HSD17B12: variants seen among roughly 807,000 people sequenced by gnomAD.
HSD17B12 encodes the protein hydroxysteroid 17-beta dehydrogenase 12.
A neutral mutation model predicts 39.3 loss-of-function variants in HSD17B12; 32 were observed. The ratio of observed to expected loss-of-function variants is 0.81; its 90% CI spans 0.61 to 1.09. The LOEUF (loss-of-function observed/expected upper bound fraction) is 1.09, where lower values mean the gene tolerates loss of function less well. HSD17B12 is among the 50% of genes least tolerant of loss of function. The pLI is 0.00. For missense variants in HSD17B12, 342 were observed against 382.9 expected (o/e 0.89, Z 0.89); for synonymous variants, 150 against 146.7 (o/e 1.02, Z -0.16).
At chr11:43,560,147 G>T in the HSD17B12 span, among the ~76,000 whole-genome samples, 4 of 152,226 alleles carry the variant, frequency 2.6e-5, no homozygotes, top group South Asian at 8.3e-4. Context: ...ACACAAGAGC[G>T]TTTAACTCAT....
chr11:43,772,386 A>T (rs915801461), intron 3 of HSD17B12, among the ~76,000 whole-genome samples: 2 of 152,190 alleles, frequency 1.3e-5, no homozygotes, highest in African/African-American at 4.8e-5. Context: ...ATGAGTTAAA[A>T]ATTTTGGGGT....
At chr11:43,766,852 A>T (rs531474649) in intron 3 of HSD17B12, among the ~76,000 whole-genome samples, 2 of 152,338 alleles carry the variant, frequency 1.3e-5, no homozygotes, top group African/African-American at 4.8e-5. Flanking sequence ...AAACTGTCTA[A>T]CTAAACGTTT....
intron 8 of HSD17B12, 50 bp from the exon 9 acceptor site, chr11:43,839,949 C>A: frequency 7.3e-7 from 1 of 1,362,702 alleles, no homozygotes; most frequent in Non-Finnish European, 1.0e-6. Context: ...ACAAATCAGG[C>A]AGATTGATGT....
At chr11:43,649,013 T>C in the HSD17B12 span, among the ~76,000 whole-genome samples, 1 of 152,236 alleles carries the variant, frequency 6.6e-6, no homozygotes, top group Non-Finnish European at 1.5e-5. Context: ...ATCACAGGCG[T>C]GAGCACCCGA....
chr11:43,576,605 C>A, the HSD17B12 span: 2 of 152,090 alleles, frequency 1.3e-5, no homozygotes, highest in African/African-American at 4.8e-5. Context: ...AAGGAGTTCC[C>A]GTTTGGGTAA....
intron 1 of HSD17B12, among the ~76,000 whole-genome samples, chr11:43,701,288 G>T (rs1441994467): frequency 6.6e-6 from 1 of 152,078 alleles, no homozygotes; most frequent in African/African-American, 2.4e-5. Flanking sequence ...TCTGTGGGTT[G>T]TCTCTTCACT....
chr11:43,590,462 A>G, the HSD17B12 span, among the ~76,000 whole-genome samples: 1 of 142,664 alleles, frequency 7.0e-6, no homozygotes. Flanking sequence ...AAAAAAATCA[A>G]GACAAGAAAT....
At chr11:43,576,069 T>C in the HSD17B12 span, among the ~76,000 whole-genome samples, 95 of 152,160 alleles carry the variant, frequency 6.2e-4, 1 homozygote, top group Middle Eastern at 0.014. Context: ...CCCCCTACTT[T>C]CCTCAGCATG....
chr11:43,668,438 A>G, the HSD17B12 span, among the ~76,000 whole-genome samples: 5 of 152,180 alleles, frequency 3.3e-5, no homozygotes, highest in East Asian at 9.6e-4. Flanking sequence ...GTAACCGCCC[A>G]CCTCAAAGGT....
the HSD17B12 span, among the ~76,000 whole-genome samples, chr11:43,664,828 G>T: frequency 6.6e-6 from 1 of 152,148 alleles, no homozygotes; most frequent in Admixed American, 6.5e-5. Context: ...AGTTTTTAAT[G>T]TTAAGCCCAG....
chr11:43,747,764 T>G (rs905445389), intron 1 of HSD17B12, among the ~76,000 whole-genome samples: 17 of 152,340 alleles, frequency 1.1e-4, no homozygotes, highest in African/African-American at 3.4e-4. Context: ...CTGCCTTCCA[T>G]TCACCATTTT....
intron 9 of HSD17B12, among the ~76,000 whole-genome samples, chr11:43,846,239 G>A (rs1951473805): frequency 6.6e-6 from 1 of 152,234 alleles, no homozygotes; most frequent in Non-Finnish European, 1.5e-5. Flanking sequence ...TGATATATAA[G>A]GGTGAAGAAG....
the HSD17B12 span, among the ~76,000 whole-genome samples, chr11:43,622,496 G>T: frequency 6.6e-6 from 1 of 151,954 alleles, no homozygotes; most frequent in Non-Finnish European, 1.5e-5. Flanking sequence ...GGACTTTGGA[G>T]TCTCACTTTC....
At position 43,745,504 on chromosome 11, in the gene HSD17B12, A is replaced by G. The variant is rs187697504; in HGVS notation, c.161-5407A>G. On this transcript the variant is annotated intron_variant, in intron 1 of 10. Coordinates refer to ENST00000278353, the MANE Select transcript of HSD17B12 (RefSeq NM_016142.3). ...GATACATTCTGAGAAATGTGTTGCT[A>G]GACAACACATTTGTTGTTGTACAAA... Among the ~76,000 whole-genome samples the G allele has an allele frequency of 1.8e-3, 277 of 152,290 alleles. 2 individuals are homozygous for G. The highest frequency in any genetic ancestry group is 6.4e-3 in the African/African-American group (264 of 41,554).
intron 1 of HSD17B12, among the ~76,000 whole-genome samples, chr11:43,715,233 C>G (rs1311289880): frequency 6.6e-6 from 1 of 152,000 alleles, no homozygotes; most frequent in Non-Finnish European, 1.5e-5. Context: ...CCAGTTTTTG[C>G]CCATTCAGTA....
chr11:43,806,226 C>A (rs528246481), intron 4 of HSD17B12: 2 of 152,282 alleles, frequency 1.3e-5, no homozygotes, highest in African/African-American at 4.8e-5. Context: ...GATCTCCAAT[C>A]CTCCTCTCTT....
the HSD17B12 span, among the ~76,000 whole-genome samples, chr11:43,672,117 C>T: frequency 1.3e-5 from 2 of 152,004 alleles, no homozygotes; most frequent in Non-Finnish European, 2.9e-5. Context: ...GGCATGATCT[C>T]GGCTCACTGA....
chr11:43,691,657 C>T (rs1230196917), intron 1 of HSD17B12, among the ~76,000 whole-genome samples: 1 of 152,226 alleles, frequency 6.6e-6, no homozygotes, highest in East Asian at 1.9e-4. Context: ...ATACCTTACA[C>T]ATACAGGTCA....
At chr11:43,746,775 G>A (rs185657119) in intron 1 of HSD17B12, among the ~76,000 whole-genome samples, 1 of 152,260 alleles carries the variant, frequency 6.6e-6, no homozygotes, top group East Asian at 1.9e-4. Context: ...TGTTACACCA[G>A]CATGACCACA....
Sources: allele counts gnomAD v4.1 joint callset (sites outside exome capture counted in the v4.1 genomes callset), GRCh38; gene constraint gnomAD v4.1.1; transcripts MANE v1.5; gene names NCBI Gene and HGNC (gene_info 2026-07-23, HGNC 2026-07-21).